Variants in AGPAT5 observed in about 807,000 individuals in gnomAD.
AGPAT5 encodes 1-acyl-sn-glycerol-3-phosphate acyltransferase epsilon.
AGPAT5 carries 46 observed loss-of-function variants against 45.6 expected under a neutral mutation model. The observed-to-expected ratio is 1.01, with a 90% confidence interval of 0.80 to 1.29. AGPAT5 has a LOEUF of 1.29. AGPAT5 is among the 50% of genes most tolerant of loss of function. The pLI is 0.00. For missense variants in AGPAT5, 673 were observed against 450.7 expected (o/e 1.49, Z -4.47); for synonymous variants, 272 against 167.0 (o/e 1.63, Z -4.85).
intron 1 of AGPAT5, among the ~76,000 whole-genome samples, chr8:6,713,088 G>T (rs1800205989): frequency 3.3e-5 from 5 of 152,174 alleles, no homozygotes; most frequent in Admixed American, 3.3e-4. Flanking sequence ...GAATGCCTGG[G>T]TTCAAGTGAT....
At chr8:6,710,811 C>T (rs1029561952) in intron 1 of AGPAT5, among the ~76,000 whole-genome samples, 18 of 152,164 alleles carry the variant, frequency 1.2e-4, no homozygotes, top group African/African-American at 4.3e-4. Context: ...TAGTGATGTT[C>T]TGTCACCTTA....
In AGPAT5 at chr8:6,747,644, A is replaced by T. The variant is rs890226668; in HGVS notation, c.587-26A>T. ...TTGTGGAGGTGTTTTGTAACTAATT[A>T]ATGACGGCACTGAATTGACTTCTAG... is the stretch of plus-strand genomic sequence containing the variant. On this transcript the variant is annotated intron_variant, in intron 5 of 7. Coordinates refer to ENST00000285518, the MANE Select transcript of AGPAT5 (RefSeq NM_018361.5). 6 of 1,595,234 alleles carry T rather than the reference A, an allele frequency of 3.8e-6. No homozygotes were observed. In the African/African-American group the frequency reaches 5.4e-5, roughly 14 times the overall value.
At chr8:6,744,244 T>C (rs2116934664) in intron 5 of AGPAT5, among the ~76,000 whole-genome samples, 1 of 152,330 alleles carries the variant, frequency 6.6e-6, no homozygotes, top group East Asian at 1.9e-4. Flanking sequence ...TTATTCTTTC[T>C]CATAATCAAA....
chr8:6,747,939 A>T (rs1189407156), intron 6 of AGPAT5, 111 bp downstream of exon 6: 6 of 1,066,968 alleles, frequency 5.6e-6, no homozygotes, highest in Non-Finnish European at 7.8e-6. Context: ...CCTTCATTAC[A>T]TTTACCCGGT....
intron 1 of AGPAT5, 21 bp from the exon 2 acceptor site, chr8:6,724,849 T>G (rs772644897): frequency 1.2e-6 from 1 of 817,108 alleles, no homozygotes; most frequent in East Asian, 3.2e-5. Context: ...CAAAGTAATG[T>G]TTTTTTGTTT....
Position 6,758,666 on chromosome 8 carries a change from C to T in AGPAT5, c.*1278C>T, listed in dbSNP as rs1801926756. On this transcript the variant is annotated 3_prime_UTR_variant, in exon 8 of 8. Coordinates refer to ENST00000285518, the MANE Select transcript of AGPAT5 (RefSeq NM_018361.5). ...TTTCCCATTAGGTTTAGTGGAGCTACACATTAATATGTATCGCCTTAGAGC... is the reference window on the plus strand; with the variant it reads ...TTTCCCATTAGGTTTAGTGGAGCTATACATTAATATGTATCGCCTTAGAGC... 1.3e-5 allele frequency: 2 copies of T among 152,610 alleles called. No individual in the cohort carries two copies. The highest frequency in any genetic ancestry group is 2.1e-4 in the South Asian group (1 of 4,834). The allele number at this position is 152,610 out of a possible 1,614,324, so 9.5% of individuals were successfully genotyped here. A position where few individuals can be genotyped will look rare whatever the true frequency, so the allele number is the denominator to read the frequency against.
In AGPAT5 at chr8:6,708,677, G is replaced by A. The variant is rs1454182834; in HGVS notation, c.9G>A (p.Leu3=). The A allele has an allele frequency of 1.3e-6, 2 of 1,592,622 alleles. No homozygotes were observed. Among genetic ancestry groups the A allele is most frequent in the South Asian group, 1.1e-5 (1 of 89,878 alleles). The change falls in exon 1 of 8, where the codon CTG becomes CTA. Residue 3 remains leucine, a synonymous_variant. Transcript: ENST00000285518. ...GCCGCCGAGCTGAGAAGATGCTGCT[G>A]TCCCTGGTGCTCCACACGTACTCCA... ML[L]SLVLHTYSMR... is the part of the protein sequence containing the mutation.
At chr8:6,745,098 G>T (rs1341688154) in intron 5 of AGPAT5, 1 of 152,524 alleles carries the variant, frequency 6.6e-6, no homozygotes, top group African/African-American at 2.4e-5. Flanking sequence ...TGGAAAGAGT[G>T]CACCCAATAT....
At position 6,758,415 on chromosome 8, in the gene AGPAT5, T is replaced by C. The variant is rs945970238; in HGVS notation, c.*1027T>C. The C allele has an allele frequency of 6.5e-6, 1 of 152,706 alleles. No homozygotes were observed. The highest frequency in any genetic ancestry group is 1.5e-5 in the Non-Finnish European group (1 of 68,064). 9.5% of individuals were successfully genotyped at this position (152,706 alleles called of 1,614,324 possible). ...TCCCACTGGGCTCTGGTCCTTCCCT[T>C]GGATCCCGTCAGTGGTGCTGCTCAG... On this transcript the variant is annotated 3_prime_UTR_variant, in exon 8 of 8. Transcript: ENST00000285518.
intron 1 of AGPAT5, among the ~76,000 whole-genome samples, chr8:6,711,823 C>G (rs1006294410): frequency 6.6e-6 from 1 of 152,176 alleles, no homozygotes; most frequent in Non-Finnish European, 1.5e-5. Flanking sequence ...CCTTACAGTC[C>G]TTGCTGCCAC....
At chr8:6,734,902 C>G (rs1172311589) in intron 4 of AGPAT5, among the ~76,000 whole-genome samples, 3 of 152,146 alleles carry the variant, frequency 2.0e-5, no homozygotes, top group African/African-American at 4.8e-5. Context: ...CCCGCTAGAG[C>G]TTTTCCTCAG....
intron 5 of AGPAT5, among the ~76,000 whole-genome samples, chr8:6,744,588 T>C (rs1339112103): frequency 6.6e-6 from 1 of 152,158 alleles, no homozygotes; most frequent in African/African-American, 2.4e-5. Flanking sequence ...TGGGATCCTG[T>C]GCTTGGTTCG....
In AGPAT5 at chr8:6,732,355, T is replaced by C. The variant is rs150629896; in HGVS notation, c.406-206T>C. Among the ~76,000 whole-genome samples the C allele has an allele frequency of 2.6e-3, 398 of 152,360 alleles. 3 individuals are homozygous for C. Among genetic ancestry groups the C allele is most frequent in the African/African-American group, 9.4e-3 (389 of 41,582 alleles). On this transcript the variant is annotated intron_variant, in intron 3 of 7. Coordinates refer to ENST00000285518, the MANE Select transcript of AGPAT5 (RefSeq NM_018361.5). ...ATGTGTTTTCCAATACAGTGTCACA[T>C]GCAGTTTTTTTGAATTATGTTGAGA...
At chr8:6,741,590 G>A (rs1801246835) in intron 4 of AGPAT5, 71 bp from the exon 5 acceptor site, 1 of 1,082,842 alleles carries the variant, frequency 9.2e-7, no homozygotes, top group Non-Finnish European at 1.4e-6. Context: ...AGTAGGTTTA[G>A]CTTTTTTAGG....
intron 1 of AGPAT5, among the ~76,000 whole-genome samples, chr8:6,723,990 C>G (rs1017608830): frequency 6.6e-6 from 1 of 152,192 alleles, no homozygotes; most frequent in Non-Finnish European, 1.5e-5. Context: ...AGAATAAAAA[C>G]TTAGCACCAT....
chr8:6,750,072 C>T (rs1022453893), intron 6 of AGPAT5, among the ~76,000 whole-genome samples: 1 of 152,190 alleles, frequency 6.6e-6, no homozygotes, highest in African/African-American at 2.4e-5. Context: ...AGGAAACCAC[C>T]CTCTCTTTTG....
At chr8:6,743,439 C>T (rs1020836530) in intron 5 of AGPAT5, among the ~76,000 whole-genome samples, 15 of 152,220 alleles carry the variant, frequency 9.9e-5, no homozygotes, top group Admixed American at 3.3e-4. Context: ...AGAATTTATC[C>T]TTCCATGCAT....
At chr8:6,750,665 A>T (rs1346305658) in intron 6 of AGPAT5, among the ~76,000 whole-genome samples, 17 of 152,166 alleles carry the variant, frequency 1.1e-4, no homozygotes, top group Admixed American at 1.1e-3. Context: ...AACAATAGAC[A>T]TTTCACATTT....
chr8:6,752,912 A>T (rs891982018), intron 6 of AGPAT5, among the ~76,000 whole-genome samples: 14 of 152,280 alleles, frequency 9.2e-5, no homozygotes, highest in African/African-American at 2.6e-4. Flanking sequence ...ACTTTGTCGC[A>T]TGCTCCTCTC....
Sources: allele counts gnomAD v4.1 joint callset (sites outside exome capture counted in the v4.1 genomes callset), GRCh38; gene constraint gnomAD v4.1.1; transcripts MANE v1.5; gene names NCBI Gene and HGNC (gene_info 2026-07-23, HGNC 2026-07-21).